L2HGDH: variants seen among roughly 807,000 people sequenced by gnomAD.
The protein encoded by L2HGDH is L-2-hydroxyglutarate dehydrogenase.
In L2HGDH, 34 loss-of-function variants were observed where a neutral mutation model predicts 51.5. The observed-to-expected ratio is 0.66, with a 90% CI of 0.50 to 0.88. L2HGDH has a LOEUF of 0.88. Ranked by LOEUF, L2HGDH falls within the 40% of genes least tolerant of loss-of-function variation. The pLI, the probability that L2HGDH is intolerant of heterozygous loss-of-function variation, is 0.00. For synonymous variants in L2HGDH, 198 were observed against 197.9 expected (o/e 1.00, Z -0.01); for missense variants, 558 against 571.9 (o/e 0.98, Z 0.25).
At chr14:50,302,590 T>A (rs1229564451) in intron 2 of L2HGDH, among the ~76,000 whole-genome samples, 1 of 152,174 alleles carries the variant, frequency 6.6e-6, no homozygotes, top group Admixed American at 6.5e-5. Context: ...GAGGCTCCGG[T>A]GGAATCAAGC....
chr14:50,297,757 CAA>C (rs2030150778), intron 3 of L2HGDH, among the ~76,000 whole-genome samples: 1 of 152,088 alleles, frequency 6.6e-6, no homozygotes, highest in Non-Finnish European at 1.5e-5. Flanking sequence ...AAATCAATAA[CAA>C]GAGGAATTTT....
intron 8 of L2HGDH, among the ~76,000 whole-genome samples, chr14:50,266,566 C>T (rs1000880298): frequency 6.6e-6 from 1 of 152,130 alleles, no homozygotes; most frequent in Non-Finnish European, 1.5e-5. Flanking sequence ...TGATTGATCC[C>T]AGGAGGTTGA....
rs896089978 is a variant in L2HGDH at position 50,245,784 on chromosome 14, A to G, written c.*1274T>C. 5.1e-6 allele frequency: 5 copies of G among 985,280 alleles called. No individual in the cohort carries two copies. The highest frequency in any genetic ancestry group is 1.7e-5 in the African/African-American group (1 of 57,226). The allele number at this position is 985,280 out of a possible 1,614,324, so 61.0% of individuals were successfully genotyped here. A position where few individuals can be genotyped will look rare whatever the true frequency, so the allele number is the denominator to read the frequency against. On this transcript the variant is annotated 3_prime_UTR_variant, in exon 10 of 10. Transcript: ENST00000267436. The stretch of plus-strand genomic sequence containing the variant: ...TTCTCCAAAACTCTTAAAAAGCCAA[A>G]TCTTCTCTAGGTCATGGTTGGTAAG...
chr14:50,299,297 A>G (rs1177982335), intron 3 of L2HGDH, among the ~76,000 whole-genome samples: 1 of 152,212 alleles, frequency 6.6e-6, no homozygotes, highest in Non-Finnish European at 1.5e-5. Context: ...ACCTGAACAA[A>G]CCAATAAAAG....
At chr14:50,299,433 C>A (rs2030275779) in intron 3 of L2HGDH, among the ~76,000 whole-genome samples, 1 of 152,122 alleles carries the variant, frequency 6.6e-6, no homozygotes, top group South Asian at 2.1e-4. Context: ...TCAAACTATT[C>A]CATAAAGTAG....
chr14:50,247,890 G>A (rs1292357343), intron 9 of L2HGDH, among the ~76,000 whole-genome samples: 1 of 151,968 alleles, frequency 6.6e-6, no homozygotes, highest in Non-Finnish European at 1.5e-5. Flanking sequence ...AATAAAATGA[G>A]AGTCTTTTTT....
rs755053737 is a variant in L2HGDH, at chr14:50,294,064, A to G, written c.540+51T>C. 2.5e-6 allele frequency: 4 copies of G among 1,598,816 alleles called. No individual in the cohort carries two copies. In the East Asian group the frequency reaches 9.0e-5, roughly 36 times the overall value. On this transcript the variant is annotated intron_variant, in intron 4 of 9. Coordinates refer to ENST00000267436, the MANE Select transcript of L2HGDH (RefSeq NM_024884.3). Reference sequence around the variant, plus strand: ...TCCTATACACTCACCCTCAGCCTCCATGTCTCAGGACTAAGCCCTAAATAA... The same window carrying G: ...TCCTATACACTCACCCTCAGCCTCCGTGTCTCAGGACTAAGCCCTAAATAA...
chr14:50,248,262 A>C (rs1170230707), intron 9 of L2HGDH, among the ~76,000 whole-genome samples: 5 of 152,240 alleles, frequency 3.3e-5, no homozygotes. Context: ...CCCAGTGTGA[A>C]AAATTCTATC....
At chr14:50,297,932 C>A (rs996012516) in intron 3 of L2HGDH, among the ~76,000 whole-genome samples, 4 of 106,378 alleles carry the variant, frequency 3.8e-5, no homozygotes, top group Admixed American at 8.4e-5. Context: ...GAGATCCTAA[C>A]TCAAAAAAAA....
At chr14:50,252,411 G>T (rs963645062) in intron 9 of L2HGDH, among the ~76,000 whole-genome samples, 10 of 151,994 alleles carry the variant, frequency 6.6e-5, no homozygotes, top group African/African-American at 2.4e-4. Context: ...AATGGCAGGA[G>T]TAAGTCCTTA....
At chr14:50,276,629 G>A (rs570694472) in intron 6 of L2HGDH, among the ~76,000 whole-genome samples, 8 of 152,220 alleles carry the variant, frequency 5.3e-5, no homozygotes, top group Non-Finnish European at 8.8e-5. Flanking sequence ...AAGATCATGC[G>A]CTCTCTTTTC....
Position 50,243,391 on chromosome 14 carries a change from A to G in L2HGDH, c.*3667T>C. 1 of 982,206 alleles carries G rather than the reference A, an allele frequency of 1.0e-6. No homozygotes were observed. Among genetic ancestry groups the G allele is most frequent in the African/African-American group, 1.7e-5 (1 of 57,260 alleles). The allele number at this position is 982,206 out of a possible 1,614,324, so 60.8% of individuals were successfully genotyped here. On this transcript the variant is annotated 3_prime_UTR_variant, in exon 10 of 10. Coordinates refer to ENST00000267436, the MANE Select transcript of L2HGDH (RefSeq NM_024884.3). ...TAAAAAGGTTGGCTGCTATCTATCT[A>G]AAGCAAACAGTTTATGTTTTACACA...
At chr14:50,276,372 T>A (rs1205531125) in intron 6 of L2HGDH, among the ~76,000 whole-genome samples, 2 of 152,228 alleles carry the variant, frequency 1.3e-5, no homozygotes, top group African/African-American at 4.8e-5. Context: ...GATGTTATCA[T>A]CTGAGTATAT....
At chr14:50,304,475 T>C (rs2030611049) in intron 1 of L2HGDH, among the ~76,000 whole-genome samples, 1 of 152,186 alleles carries the variant, frequency 6.6e-6, no homozygotes, top group Non-Finnish European at 1.5e-5. Flanking sequence ...CTTGGGGCAA[T>C]AATTGGTCCA....
At chr14:50,306,738 T>C (rs925730972) in intron 1 of L2HGDH, among the ~76,000 whole-genome samples, 1 of 152,084 alleles carries the variant, frequency 6.6e-6, no homozygotes, top group African/African-American at 2.4e-5. Context: ...TTGTGGGGCA[T>C]GTAGACAGTT....
chr14:50,283,514 T>C (rs1890391041), intron 5 of L2HGDH, among the ~76,000 whole-genome samples: 1 of 152,004 alleles, frequency 6.6e-6, no homozygotes, highest in African/African-American at 2.4e-5. Context: ...AAAATCAATA[T>C]AAGTACAGCT....
rs146208810 is a variant in L2HGDH, at chr14:50,304,652, G to A, written c.141-1635C>T. Reference sequence around the variant, plus strand: ...AGGTTGAGACCATCCTGACTAACACGGTGAAACCCCATCTCTACTAAAAAT... The same window carrying A: ...AGGTTGAGACCATCCTGACTAACACAGTGAAACCCCATCTCTACTAAAAAT... On this transcript the variant is annotated intron_variant, in intron 1 of 9. Coordinates refer to ENST00000267436, the MANE Select transcript of L2HGDH (RefSeq NM_024884.3). Among the ~76,000 whole-genome samples, 249 of 152,214 alleles carry A rather than the reference G, an allele frequency of 1.6e-3. 1 individual carries two copies. The highest frequency in any genetic ancestry group is 5.8e-3 in the African/African-American group (239 of 41,538).
At chr14:50,284,160 A>G (rs1890434043) in intron 4 of L2HGDH, 127 bp from the exon 5 acceptor site, 5 of 802,896 alleles carry the variant, frequency 6.2e-6, no homozygotes, top group Admixed American at 2.3e-5. Context: ...TCTTGCTGCT[A>G]CAATGAGTTT....
In L2HGDH at chr14:50,302,006, AAATGC is replaced by A; in HGVS notation, c.408+6_408+10del. On this transcript the variant is annotated splice_donor_region_variant and intron_variant, in intron 3 of 9. Coordinates refer to ENST00000267436, the MANE Select transcript of L2HGDH (RefSeq NM_024884.3). ...TTGGAAATTAGTCAAGGCTCTAATA[AAATGC>A]CATACCTTGCCACACTGCTTGTAGG... The A allele has an allele frequency of 6.2e-7, 1 of 1,613,992 alleles. No individual in the cohort carries two copies. The highest frequency in any genetic ancestry group is 8.5e-7 in the Non-Finnish European group (1 of 1,179,890).
Sources: gnomAD v4.1 joint callset for allele counts (sites outside exome capture counted in the v4.1 genomes callset) on GRCh38, gnomAD v4.1.1 for gene constraint, MANE v1.5 for transcripts, NCBI Gene and HGNC (gene_info 2026-07-23, HGNC 2026-07-21) for gene names.